Variants in MAGI2 observed in about 807,000 individuals in gnomAD.
MAGI2 encodes membrane associated guanylate kinase, WW and PDZ domain containing 2.
In MAGI2, 35 loss-of-function variants were observed where a neutral mutation model predicts 133.3. The ratio of observed to expected loss-of-function variants is 0.26; its 90% CI spans 0.20 to 0.35. MAGI2 has a LOEUF of 0.35. MAGI2 is among the 10% of genes least tolerant of loss of function. The probability of loss-of-function intolerance (pLI) is 1.00; values close to 1 mark genes in which losing one functional copy is unlikely to be tolerated. For synonymous variants in MAGI2, 729 were observed against 710.6 expected, an observed-to-expected ratio of 1.03 and a Z score of -0.41; for missense variants, 1,636 against 1,863.4, an observed-to-expected ratio of 0.88 and a Z score of 2.25.
chr7:78,557,095 A>AAAAAAAAAAAAG lies in MAGI2; in HGVS notation c.539-35451_539-35450insCTTTTTTTTTTT, dbSNP rs1563165546. Among the ~76,000 whole-genome samples, 9 of 147,934 alleles carry AAAAAAAAAAAAG rather than the reference A, an allele frequency of 6.1e-5. No individual in the cohort carries two copies. The South Asian group carries it at 1.5e-3, about 25-fold the overall frequency. On this transcript the variant is annotated intron_variant, in intron 3 of 21. Transcript: ENST00000354212. The stretch of plus-strand genomic sequence containing the variant: ...GGCAGAGTCTCAAAAAAAAAAAAAA[A>AAAAAAAAAAAAG]AAAAAGAAAAAGAAAAAAAAAGAAT...
chr7:78,940,733 G>A (rs545694236), intron 2 of MAGI2: 4 of 152,172 alleles, frequency 2.6e-5, no homozygotes, highest in African/African-American at 9.7e-5. Flanking sequence ...ACACAGCTGG[G>A]ATTAGGCAAG....
intron 1 of MAGI2, among the ~76,000 whole-genome samples, chr7:79,351,289 T>TAG (rs1841673822): frequency 6.6e-6 from 1 of 152,162 alleles, no homozygotes; most frequent in Admixed American, 6.6e-5. Flanking sequence ...ACATTCTGTT[T>TAG]TGTCTTGGTA....
chr7:79,008,336 A>C lies in MAGI2; in HGVS notation c.302-1130T>G, dbSNP rs1471181913. Among the ~76,000 whole-genome samples, 5 of 152,162 alleles carry C rather than the reference A, an allele frequency of 3.3e-5. No homozygotes were observed. The East Asian group carries it at 7.7e-4, about 23-fold the overall frequency. On this transcript the variant is annotated intron_variant, in intron 1 of 21. Transcript: ENST00000354212. ...TTATGTAGGTGTGCACAGGTGCAAA[A>C]CAAACAGCTTTGACATAAACTGTAG...
chr7:79,156,216 T>C (rs528441289), intron 1 of MAGI2, among the ~76,000 whole-genome samples: 4 of 152,270 alleles, frequency 2.6e-5, no homozygotes, highest in African/African-American at 7.2e-5. Flanking sequence ...CATAACATTA[T>C]GTAACAAAGA....
chr7:79,054,215 A>G (rs1420842453), intron 1 of MAGI2, among the ~76,000 whole-genome samples: 1 of 152,138 alleles, frequency 6.6e-6, no homozygotes, highest in African/African-American at 2.4e-5. Flanking sequence ...ATAAAAATAA[A>G]TATAAAGTTT....
intron 1 of MAGI2, among the ~76,000 whole-genome samples, chr7:79,096,314 T>C (rs1421608024): frequency 6.6e-6 from 1 of 152,152 alleles, no homozygotes; most frequent in Non-Finnish European, 1.5e-5. Flanking sequence ...CTTCTACCTA[T>C]AGCCACAAAT....
chr7:78,159,881 C>T (rs1824797157), intron 16 of MAGI2, 144 bp downstream of exon 16: 9 of 1,071,240 alleles, frequency 8.4e-6, no homozygotes, highest in Non-Finnish European at 1.1e-5. Context: ...GGTATGGATG[C>T]CTTATTTGTG....
At chr7:78,837,581 T>C (rs1193208111) in intron 2 of MAGI2, among the ~76,000 whole-genome samples, 4 of 152,142 alleles carry the variant, frequency 2.6e-5, no homozygotes, top group Admixed American at 2.0e-4. Context: ...CTAACCAGTA[T>C]ATAGCATATG....
At chr7:79,369,725 A>G (rs756549005) in intron 1 of MAGI2, among the ~76,000 whole-genome samples, 1 of 152,220 alleles carries the variant, frequency 6.6e-6, no homozygotes, top group African/African-American at 2.4e-5. Context: ...GTACATGCAC[A>G]TCGATACATA....
intron 9 of MAGI2, among the ~76,000 whole-genome samples, chr7:78,299,377 A>G (rs373166247): frequency 4.9e-4 from 75 of 152,338 alleles, no homozygotes; most frequent in African/African-American, 1.7e-3. Flanking sequence ...GAGATAGAAA[A>G]TACCACACAA....
intron 15 of MAGI2, among the ~76,000 whole-genome samples, chr7:78,161,336 A>G (rs1177743643): frequency 6.6e-6 from 1 of 152,216 alleles, no homozygotes; most frequent in East Asian, 1.9e-4. Context: ...CACTCTGATG[A>G]AAAGAACCGA....
At chr7:78,223,478 A>G (rs909626045) in intron 10 of MAGI2, among the ~76,000 whole-genome samples, 4 of 152,216 alleles carry the variant, frequency 2.6e-5, no homozygotes, top group South Asian at 2.1e-4. Flanking sequence ...CAGCAATCCA[A>G]TTTAGGGGAG....
chr7:78,850,496 C>T (rs889830294), intron 2 of MAGI2, among the ~76,000 whole-genome samples: 1 of 152,124 alleles, frequency 6.6e-6, no homozygotes, highest in African/African-American at 2.4e-5. Flanking sequence ...TGACAGCTGG[C>T]TAACTCTGTT....
At chr7:78,680,866 G>A (rs901208430) in intron 2 of MAGI2, among the ~76,000 whole-genome samples, 1 of 152,106 alleles carries the variant, frequency 6.6e-6, no homozygotes, top group African/African-American at 2.4e-5. Context: ...TGAGAGGGCT[G>A]GGATAAGCAC....
chr7:78,509,550 C>T (rs116322857), intron 4 of MAGI2, among the ~76,000 whole-genome samples: 2,241 of 152,132 alleles, frequency 0.015, 50 homozygotes, highest in African/African-American at 0.051. Flanking sequence ...TAGTTCAGTC[C>T]TTATAAATTC....
intron 2 of MAGI2, among the ~76,000 whole-genome samples, chr7:78,827,711 T>C (rs973439278): frequency 6.6e-6 from 1 of 152,110 alleles, no homozygotes; most frequent in African/African-American, 2.4e-5. Flanking sequence ...AATATAATAA[T>C]ATTGAAACAC....
intron 1 of MAGI2, among the ~76,000 whole-genome samples, chr7:79,149,038 GTA>G (rs533292374): frequency 3.6e-5 from 5 of 140,726 alleles, no homozygotes; most frequent in Admixed American, 7.4e-5. Context: ...ATTTTAGGAA[GTA>G]TATATATATA....
intron 21 of MAGI2, among the ~76,000 whole-genome samples, chr7:78,024,473 C>A (rs1808723245): frequency 6.6e-6 from 1 of 152,192 alleles, no homozygotes; most frequent in Non-Finnish European, 1.5e-5. Context: ...CCTTATTTCC[C>A]CATGTTGGTG....
intron 14 of MAGI2, among the ~76,000 whole-genome samples, chr7:78,176,379 G>A (rs746037718): frequency 6.6e-5 from 10 of 152,028 alleles, no homozygotes; most frequent in Non-Finnish European, 1.3e-4. Flanking sequence ...CCAGGAATTC[G>A]GAAATAAGTC....
Sources: gnomAD v4.1 joint callset for allele counts (sites outside exome capture counted in the v4.1 genomes callset) on GRCh38, gnomAD v4.1.1 for gene constraint, MANE v1.5 for transcripts, NCBI Gene and HGNC (gene_info 2026-07-23, HGNC 2026-07-21) for gene names.